Variants in PIR observed in about 807,000 individuals in gnomAD.
The protein encoded by PIR is pirin.
A neutral mutation model predicts 24.2 loss-of-function variants in PIR; 22 were observed. The observed-to-expected ratio is 0.91, with a 90% CI of 0.65 to 1.30. PIR has a LOEUF of 1.30. Among genes scored for constraint, PIR ranks in the 50% most tolerant of loss-of-function variants. The probability of loss-of-function intolerance (pLI) is 0.00; values close to 1 mark genes in which losing one functional copy is unlikely to be tolerated. For missense variants in PIR, 220 were observed against 220.3 expected, an observed-to-expected ratio of 1.00 and a Z score of 0.01; for synonymous variants, 80 against 79.6, an observed-to-expected ratio of 1.00 and a Z score of -0.03.
At chrX:15,490,951 C>T (rs1333363183) in intron 2 of PIR, among the ~76,000 whole-genome samples, 1 of 112,117 alleles carries the variant, frequency 8.9e-6, no homozygotes. Context: ...AGCTCAGCTG[C>T]ACTTTCTGCC....
Position 15,419,666 on chromosome X carries a change from T to A in PIR, c.565+6240A>T, listed in dbSNP as rs558386550. ...ATCCCAGCACTTTGGGAGGCCGAGG[T>A]GGATGGATTACCTGAGGTCAGGAGT... On this transcript the variant is annotated intron_variant, in intron 6 of 9. Coordinates refer to ENST00000380420, the MANE Select transcript of PIR (RefSeq NM_001018109.3). 5.4e-5 allele frequency among the ~76,000 whole-genome samples: 6 copies of A among 110,209 alleles called. No individual in the cohort carries two copies. In the South Asian group the frequency reaches 1.9e-3, roughly 35 times the overall value.
At chrX:15,385,583 C>G (rs1182379022) in intron 9 of PIR, among the ~76,000 whole-genome samples, 1 of 112,054 alleles carries the variant, frequency 8.9e-6, no homozygotes, top group Non-Finnish European at 1.9e-5. Context: ...TTTTGAAAAT[C>G]AGCAGCACCT....
intron 5 of PIR, among the ~76,000 whole-genome samples, chrX:15,450,738 C>T (rs1215996871): frequency 2.7e-5 from 3 of 112,040 alleles, no homozygotes; most frequent in Non-Finnish European, 3.8e-5. Flanking sequence ...AACCCACTGC[C>T]GTTTGCATGT....
At chrX:15,435,844 T>G (rs182621246) in intron 5 of PIR, among the ~76,000 whole-genome samples, 7 of 112,578 alleles carry the variant, frequency 6.2e-5, no homozygotes, top group Non-Finnish European at 1.3e-4. Flanking sequence ...AGCAAACTTC[T>G]AACTCATTTT....
intron 6 of PIR, among the ~76,000 whole-genome samples, chrX:15,425,085 A>T (rs1231960769): frequency 3.6e-5 from 4 of 111,520 alleles, no homozygotes; most frequent in Non-Finnish European, 5.6e-5. Flanking sequence ...ATTTTTAATT[A>T]TTCTTTGGAT....
At chrX:15,396,383 T>A (rs772656447) in intron 8 of PIR, among the ~76,000 whole-genome samples, 1 of 112,084 alleles carries the variant, frequency 8.9e-6, no homozygotes, top group African/African-American at 3.2e-5. Flanking sequence ...AAATCCACTG[T>A]GTTCTATAAC....
chrX:15,466,961 T>C (rs1921629492), intron 3 of PIR, among the ~76,000 whole-genome samples: 1 of 112,473 alleles, frequency 8.9e-6, no homozygotes, highest in Admixed American at 9.4e-5. Context: ...TATGTAATTA[T>C]TTGTTATTCA....
chrX:15,426,822 C>T (rs1360924628), intron 5 of PIR, among the ~76,000 whole-genome samples: 1 of 111,910 alleles, frequency 8.9e-6, no homozygotes. Context: ...CTTTGGGAAG[C>T]TGCTTGGCCA....
chrX:15,386,099 T>C (rs1923740308), intron 9 of PIR, among the ~76,000 whole-genome samples: 1 of 112,367 alleles, frequency 8.9e-6, no homozygotes, highest in South Asian at 3.8e-4. Context: ...ACTTGTTCAC[T>C]CAGTGTATGT....
chrX:15,488,060 C>T lies in PIR; in HGVS notation c.96+3102G>A, dbSNP rs112558037. On this transcript the variant is annotated intron_variant, in intron 2 of 9. Coordinates refer to ENST00000380420, the MANE Select transcript of PIR (RefSeq NM_001018109.3). ...TTGGGAGGCCGAGGTGGGCGGATCACCTGAGGTTGGGAGTTTGAGACCAGC... is the reference window on the plus strand; with the variant it reads ...TTGGGAGGCCGAGGTGGGCGGATCATCTGAGGTTGGGAGTTTGAGACCAGC... 5.8e-3 allele frequency among the ~76,000 whole-genome samples: 644 copies of T among 110,096 alleles called. 4 individuals carry two copies. Among genetic ancestry groups the T allele is most frequent in the African/African-American group, 0.02 (596 of 30,214 alleles).
intron 3 of PIR, among the ~76,000 whole-genome samples, chrX:15,470,747 G>A (rs1438191091): frequency 3.7e-5 from 4 of 109,230 alleles, no homozygotes; most frequent in Non-Finnish European, 5.7e-5. Flanking sequence ...GATTACAGGC[G>A]CCCACCACCA....
At chrX:15,395,611 A>T (rs1407056243) in intron 8 of PIR, among the ~76,000 whole-genome samples, 2 of 112,108 alleles carry the variant, frequency 1.8e-5, no homozygotes, top group African/African-American at 6.5e-5. Context: ...TATTATTTTA[A>T]TTTTGCAGAC....
chrX:15,479,337 T>A lies in PIR; in HGVS notation c.189+392A>T, dbSNP rs1044730724. Among the ~76,000 whole-genome samples, 3 of 109,988 alleles carry A rather than the reference T, an allele frequency of 2.7e-5. No individual in the cohort carries two copies. In the Admixed American group the frequency reaches 2.9e-4, roughly 11 times the overall value. On this transcript the variant is annotated intron_variant, in intron 3 of 9. Coordinates refer to ENST00000380420, the MANE Select transcript of PIR (RefSeq NM_001018109.3). ...GGATAGAAACAAGATAGAAACAGGTTTTTTTCTTTCTTTTTTTTTTTTTCT... is the reference window on the plus strand; with the variant it reads ...GGATAGAAACAAGATAGAAACAGGTATTTTTCTTTCTTTTTTTTTTTTTCT...
chrX:15,433,074 C>G (rs1022841504), intron 5 of PIR, among the ~76,000 whole-genome samples: 1 of 112,449 alleles, frequency 8.9e-6, no homozygotes, highest in African/African-American at 3.2e-5. Flanking sequence ...GGGCACCATG[C>G]AAATGGAGAT....
intron 4 of PIR, among the ~76,000 whole-genome samples, chrX:15,456,688 T>G (rs1281231021): frequency 8.9e-6 from 1 of 112,395 alleles, no homozygotes; most frequent in Non-Finnish European, 1.9e-5. Context: ...TTCCCAGACA[T>G]TGGAGGATAA....
chrX:15,469,415 G>C (rs989842034), intron 3 of PIR, among the ~76,000 whole-genome samples: 9 of 111,830 alleles, frequency 8.0e-5, no homozygotes, highest in Non-Finnish European at 1.5e-4. Flanking sequence ...TCACCTAGAA[G>C]GAACACAGTG....
intron 5 of PIR, among the ~76,000 whole-genome samples, chrX:15,445,441 G>A (rs886270194): frequency 7.3e-4 from 81 of 111,294 alleles, no homozygotes; most frequent in Non-Finnish European, 1.2e-3. Context: ...TGTAAACGAC[G>A]CGTTGATGGG....
chrX:15,433,635 A>G (rs1191266858), intron 5 of PIR, among the ~76,000 whole-genome samples: 1 of 88,505 alleles, frequency 1.1e-5, no homozygotes, highest in Non-Finnish European at 2.2e-5. Context: ...GAGAAAGGAG[A>G]AAGAAGGAGG....
chrX:15,419,343 CTGTGTGTG>C lies in PIR; in HGVS notation c.565+6555_565+6562del, dbSNP rs34664851. The stretch of plus-strand genomic sequence containing the variant: ...TAATGCAGTGGAAGCATGGATAAGT[CTGTGTGTG>C]TGTGTGTGTGTGTGTGTGTGTGTGT... On this transcript the variant is annotated intron_variant, in intron 6 of 9. Coordinates refer to ENST00000380420, the MANE Select transcript of PIR (RefSeq NM_001018109.3). 9.4e-3 allele frequency among the ~76,000 whole-genome samples: 733 copies of C among 78,264 alleles called. 12 individuals carry two copies. Among genetic ancestry groups the C allele is most frequent in the African/African-American group, 0.031 (663 of 21,663 alleles). 68.0% of individuals were successfully genotyped at this position (78,264 alleles called of 115,157 possible).
Sources: allele counts gnomAD v4.1 joint callset (sites outside exome capture counted in the v4.1 genomes callset), GRCh38; gene constraint gnomAD v4.1.1; transcripts MANE v1.5; gene names NCBI Gene and HGNC (gene_info 2026-07-23, HGNC 2026-07-21).